Variants in CHN1 observed in about 807,000 individuals in gnomAD.
CHN1 encodes N-chimaerin.
CHN1 carries 37 observed loss-of-function variants against 59.5 expected under a neutral mutation model. The ratio of observed to expected loss-of-function variants is 0.62; its 90% CI spans 0.48 to 0.82. The LOEUF is 0.82. Among genes scored for constraint, CHN1 ranks in the 40% least tolerant of loss-of-function variants. The pLI, the probability that CHN1 is intolerant of heterozygous loss-of-function variation, is 0.00. For missense variants in CHN1, 469 were observed against 571.0 expected (o/e 0.82, Z 1.82); for synonymous variants, 206 against 200.4 (o/e 1.03, Z -0.24).
At chr2:174,979,994 T>C (rs1691088294) in intron 1 of CHN1, among the ~76,000 whole-genome samples, 1 of 152,218 alleles carries the variant, frequency 6.6e-6, no homozygotes, top group South Asian at 2.1e-4. Flanking sequence ...ATATGTACCA[T>C]CTGACTCTCA....
chr2:174,975,946 C>G (rs1237169540), intron 1 of CHN1, among the ~76,000 whole-genome samples: 1 of 145,690 alleles, frequency 6.9e-6, no homozygotes, highest in African/African-American at 2.6e-5. Flanking sequence ...ATGGTGAAAC[C>G]CCGTCTCTGC....
At chr2:174,866,598 A>G (rs1490849306) in intron 6 of CHN1, among the ~76,000 whole-genome samples, 1 of 152,210 alleles carries the variant, frequency 6.6e-6, no homozygotes, top group Non-Finnish European at 1.5e-5. Context: ...TTAGAATGCT[A>G]TAGCCACAAG....
intron 6 of CHN1, among the ~76,000 whole-genome samples, chr2:174,867,179 GC>G (rs1485264919): frequency 6.6e-6 from 1 of 151,610 alleles, no homozygotes; most frequent in African/African-American, 2.4e-5. Context: ...TTGGAGACCA[GC>G]CTGGGCAACG....
At chr2:174,936,469 T>C (rs1413945594) in intron 3 of CHN1, among the ~76,000 whole-genome samples, 1 of 152,208 alleles carries the variant, frequency 6.6e-6, no homozygotes, top group African/African-American at 2.4e-5. Context: ...ATGTAATTTA[T>C]ACTTGTGTCT....
chr2:174,828,767 G>A (rs1014665195), intron 7 of CHN1, among the ~76,000 whole-genome samples: 1 of 152,170 alleles, frequency 6.6e-6, no homozygotes, highest in Non-Finnish European at 1.5e-5. Context: ...CGGGAAAGGA[G>A]GCCTGGAAGG....
chr2:174,976,363 G>A (rs975589735), intron 1 of CHN1, among the ~76,000 whole-genome samples: 4 of 151,602 alleles, frequency 2.6e-5, no homozygotes, highest in South Asian at 2.1e-4. Flanking sequence ...TCAGCCTCCC[G>A]AGTAGCTGGG....
At chr2:174,985,298 G>A (rs577266647) in intron 1 of CHN1, among the ~76,000 whole-genome samples, 1 of 152,218 alleles carries the variant, frequency 6.6e-6, no homozygotes, top group South Asian at 2.1e-4. Flanking sequence ...CAATGTTAAT[G>A]TAAACAGTAA....
chr2:174,814,973 A>G (rs1685197770), intron 8 of CHN1, among the ~76,000 whole-genome samples: 1 of 151,906 alleles, frequency 6.6e-6, no homozygotes, highest in Admixed American at 6.6e-5. Context: ...TTTTTTTCAA[A>G]TATTTTTTCA....
At chr2:174,861,470 G>C (rs188646215) in intron 6 of CHN1, among the ~76,000 whole-genome samples, 7 of 152,280 alleles carry the variant, frequency 4.6e-5, no homozygotes, top group Non-Finnish European at 8.8e-5. Context: ...GAATTCTTCA[G>C]ACTCATAGAC....
chr2:174,800,389 C>G (rs921915975), intron 12 of CHN1, 102 bp from the exon 13 acceptor site: 2 of 898,566 alleles, frequency 2.2e-6, no homozygotes, highest in Admixed American at 2.9e-5. Context: ...AAGTTTGCGT[C>G]CGCTTATCAA....
chr2:174,984,111 A>G (rs866179272), intron 1 of CHN1, among the ~76,000 whole-genome samples: 52 of 152,156 alleles, frequency 3.4e-4, no homozygotes, highest in Middle Eastern at 3.4e-3. Flanking sequence ...GAAAAAAATA[A>G]CTAGAAATAG....
At chr2:174,801,480 C>G (rs1684719632) in intron 12 of CHN1, among the ~76,000 whole-genome samples, 1 of 152,206 alleles carries the variant, frequency 6.6e-6, no homozygotes, top group Non-Finnish European at 1.5e-5. Flanking sequence ...AAAACATATA[C>G]TGGAACTGCA....
In CHN1 at chr2:174,989,828, T is replaced by C. The variant is rs559963438; in HGVS notation, c.19+15066A>G. Among the ~76,000 whole-genome samples, 5 of 152,020 alleles carry C rather than the reference T, an allele frequency of 3.3e-5. No individual in the cohort carries two copies. The South Asian group carries it at 1.0e-3, about 32-fold the overall frequency. On this transcript the variant is annotated intron_variant, in intron 1 of 12. Transcript: ENST00000409900. ...AGTTGCATGTTTATCTTAAATGTAC[T>C]CTTACCAATGAAAAAAACTATTTTG... is the stretch of plus-strand genomic sequence containing the variant.
In CHN1 at chr2:174,935,390, A is replaced by G. The variant is rs1159444444; in HGVS notation, c.114+9498T>C. The stretch of plus-strand genomic sequence containing the variant: ...TGACAGAAAGAACCAGAGCATCTCT[A>G]ACAGATATAGGTATTAATGCACACA... On this transcript the variant is annotated intron_variant, in intron 3 of 12. Coordinates refer to ENST00000409900, the MANE Select transcript of CHN1 (RefSeq NM_001822.7). Among the ~76,000 whole-genome samples the G allele has an allele frequency of 2.0e-5, 3 of 152,244 alleles. No individual in the cohort carries two copies. In the East Asian group the frequency reaches 5.8e-4, roughly 29 times the overall value.
At chr2:174,889,595 G>T (rs760987884) in intron 5 of CHN1, among the ~76,000 whole-genome samples, 7 of 151,974 alleles carry the variant, frequency 4.6e-5, no homozygotes, top group Non-Finnish European at 7.4e-5. Flanking sequence ...ATTAAAAAGG[G>T]ATTCAACAGC....
intron 1 of CHN1, among the ~76,000 whole-genome samples, chr2:174,994,617 G>A (rs1691646733): frequency 6.6e-6 from 1 of 152,224 alleles, no homozygotes; most frequent in Non-Finnish European, 1.5e-5. Flanking sequence ...GGGCACTCTG[G>A]ATGCAGAAAA....
chr2:174,896,742 C>T (rs985845509), intron 5 of CHN1, among the ~76,000 whole-genome samples: 2 of 152,096 alleles, frequency 1.3e-5, no homozygotes, highest in African/African-American at 4.8e-5. Flanking sequence ...CTACATTTAA[C>T]ATTTAACCTT....
At chr2:174,959,115 G>C (rs1454113977) in intron 1 of CHN1, among the ~76,000 whole-genome samples, 1 of 152,102 alleles carries the variant, frequency 6.6e-6, no homozygotes, top group Non-Finnish European at 1.5e-5. Context: ...GCACTGTTTA[G>C]GTTTTAAATA....
At chr2:174,859,953 TA>T (rs1006468844) in intron 6 of CHN1, among the ~76,000 whole-genome samples, 5 of 151,258 alleles carry the variant, frequency 3.3e-5, no homozygotes, top group African/African-American at 7.3e-5. Flanking sequence ...ACCTCGGCAT[TA>T]AAAAAAAACT....
Sources: allele counts gnomAD v4.1 joint callset (sites outside exome capture counted in the v4.1 genomes callset), GRCh38; gene constraint gnomAD v4.1.1; transcripts MANE v1.5; gene names NCBI Gene and HGNC (gene_info 2026-07-23, HGNC 2026-07-21).